Variants in RMDN2 observed in about 807,000 individuals in gnomAD.
The protein encoded by RMDN2 is regulator of microtubule dynamics protein 2.
RMDN2 carries 61 observed loss-of-function variants against 52.8 expected under a neutral mutation model. The observed-to-expected ratio is 1.16, with a 90% CI of 0.94 to 1.43. RMDN2 has a LOEUF of 1.43. Among genes scored for constraint, RMDN2 ranks in the 40% most tolerant of loss-of-function variants. The probability of loss-of-function intolerance (pLI) is 0.00; values close to 1 mark genes in which losing one functional copy is unlikely to be tolerated. For synonymous variants in RMDN2, 180 were observed against 153.1 expected (o/e 1.18, Z -1.30); for missense variants, 592 against 475.3 (o/e 1.25, Z -2.28).
chr2:37,996,203 AT>A, intron 7 of RMDN2, among the ~76,000 whole-genome samples: 2 of 152,344 alleles, frequency 1.3e-5, no homozygotes, highest in Admixed American at 1.3e-4. Flanking sequence ...TAAGCAATAT[AT>A]TATTTTTTAC....
chr2:38,020,298 G>A (rs1029988448), downstream of RMDN2, among the ~76,000 whole-genome samples: 7 of 151,218 alleles, frequency 4.6e-5, no homozygotes, highest in South Asian at 2.1e-4. Context: ...CCATCTAGGG[G>A]TGACGGGAGA....
At chr2:38,048,299 A>G (rs1681392626) in intron 10 of RMDN2, among the ~76,000 whole-genome samples, 1 of 152,212 alleles carries the variant, frequency 6.6e-6, no homozygotes, top group South Asian at 2.1e-4. Flanking sequence ...GCTAAAACAT[A>G]AATCAATAAC....
chr2:38,058,631 C>T (rs1157184), intron 10 of RMDN2, among the ~76,000 whole-genome samples: 1 of 152,020 alleles, frequency 6.6e-6, no homozygotes, highest in Non-Finnish European at 1.5e-5. Context: ...AACTTTTCCA[C>T]CAAAATATAA....
chr2:37,996,588 CA>C (rs1186116651), intron 7 of RMDN2, among the ~76,000 whole-genome samples: 18 of 110,100 alleles, frequency 1.6e-4, no homozygotes, highest in Non-Finnish European at 2.4e-4. Context: ...GAGACATTGC[CA>C]AAAAAAAAAA....
At chr2:37,958,255 T>C (rs1172963964) in intron 2 of RMDN2, among the ~76,000 whole-genome samples, 1 of 152,176 alleles carries the variant, frequency 6.6e-6, no homozygotes. Context: ...ATTTTCACAA[T>C]ACTGATTCTT....
At chr2:38,006,824 C>T (rs1354406869) in intron 10 of RMDN2, among the ~76,000 whole-genome samples, 11 of 152,072 alleles carry the variant, frequency 7.2e-5, no homozygotes, top group African/African-American at 1.9e-4. Flanking sequence ...CCATTCCGTA[C>T]GATACTGGCT....
At chr2:38,037,057 C>G (rs1036114950) in intron 10 of RMDN2, among the ~76,000 whole-genome samples, 1 of 151,994 alleles carries the variant, frequency 6.6e-6, no homozygotes. Context: ...GGAAAGGCAG[C>G]GTGATATAAA....
chr2:37,987,711 A>G (rs750650208), intron 5 of RMDN2, among the ~76,000 whole-genome samples: 7 of 152,184 alleles, frequency 4.6e-5, no homozygotes, highest in African/African-American at 7.2e-5. Flanking sequence ...CTGATGTGTC[A>G]GTGTAGTTTC....
At chr2:37,965,932 C>T (rs1169643473) in intron 2 of RMDN2, among the ~76,000 whole-genome samples, 2 of 152,162 alleles carry the variant, frequency 1.3e-5, no homozygotes, top group South Asian at 4.1e-4. Context: ...TTAAATATAT[C>T]GTCCCACTGC....
chr2:37,951,177 G>A, intron 2 of RMDN2: 2 of 1,484,336 alleles, frequency 1.3e-6, no homozygotes, highest in East Asian at 4.5e-5. Context: ...AGGCTTGGCA[G>A]GTCTCCACTC....
intron 10 of RMDN2, among the ~76,000 whole-genome samples, chr2:38,007,591 T>A (rs189889155): frequency 2.7e-4 from 41 of 152,340 alleles, no homozygotes; most frequent in Non-Finnish European, 1.2e-4. Flanking sequence ...TTGATTCTTC[T>A]GTCTTTTCTT....
intron 4 of RMDN2, among the ~76,000 whole-genome samples, chr2:37,980,555 C>T (rs112854316): frequency 0.14 from 21,624 of 152,154 alleles, 1,627 homozygotes; most frequent in Non-Finnish European, 0.16. Flanking sequence ...CCACCTGCCT[C>T]GGCCTCCCAA....
downstream of RMDN2, among the ~76,000 whole-genome samples, chr2:38,020,837 G>A (rs184873976): frequency 6.6e-6 from 1 of 151,824 alleles, no homozygotes; most frequent in East Asian, 2.0e-4. Flanking sequence ...CCCCACGAGC[G>A]CCACCCCCTG....
chr2:37,921,286 G>C (rs1353883220), upstream of RMDN2, among the ~76,000 whole-genome samples: 1 of 152,098 alleles, frequency 6.6e-6, no homozygotes, highest in Non-Finnish European at 1.5e-5. Flanking sequence ...GCTTTTTTCA[G>C]ATAAAACATT....
intron 1 of RMDN2, among the ~76,000 whole-genome samples, chr2:37,927,031 A>G (rs1449917143): frequency 1.3e-5 from 2 of 152,130 alleles, no homozygotes; most frequent in African/African-American, 2.4e-5. Flanking sequence ...TTAATGTGTC[A>G]TTTTTCAAAT....
intron 2 of RMDN2, among the ~76,000 whole-genome samples, chr2:37,971,457 C>T (rs937905823): frequency 6.6e-6 from 1 of 152,070 alleles, no homozygotes. Context: ...ATATGTCTTA[C>T]CCCAAGGACT....
downstream of RMDN2, among the ~76,000 whole-genome samples, chr2:38,020,935 G>T (rs796093508): frequency 6.6e-6 from 1 of 152,238 alleles, no homozygotes; most frequent in Non-Finnish European, 1.5e-5. Flanking sequence ...ACCTGTGGCC[G>T]GGTCTGGGAT....
chr2:37,957,619 CT>C (rs1481446747), intron 2 of RMDN2, among the ~76,000 whole-genome samples: 1 of 152,150 alleles, frequency 6.6e-6, no homozygotes. Context: ...ATGATAGTTT[CT>C]TTTACTGTGC....
At chr2:37,986,534 A>C (rs562742341) in intron 5 of RMDN2, among the ~76,000 whole-genome samples, 1 of 152,270 alleles carries the variant, frequency 6.6e-6, no homozygotes, top group Admixed American at 6.5e-5. Flanking sequence ...AAAATCTTCA[A>C]TAAAATATTA....
Sources: gnomAD v4.1 joint callset for allele counts (sites outside exome capture counted in the v4.1 genomes callset) on GRCh38, gnomAD v4.1.1 for gene constraint, MANE v1.5 for transcripts, NCBI Gene and HGNC (gene_info 2026-07-23, HGNC 2026-07-21) for gene names.